FGF13: variants seen among roughly 807,000 people sequenced by gnomAD.
FGF13 encodes fibroblast growth factor 13.
Under a neutral mutation model 19.5 loss-of-function variants are expected in FGF13, and 2 were observed. The observed-to-expected ratio is 0.10, with a 90% confidence interval of 0.04 to 0.32. The LOEUF (loss-of-function observed/expected upper bound fraction) is 0.32, where lower values mean the gene tolerates loss of function less well. FGF13 is among the 10% of genes least tolerant of loss of function. FGF13 has a pLI of 1.00. For missense variants in FGF13, 113 were observed against 192.7 expected (o/e 0.59, Z 2.45); for synonymous variants, 72 against 76.9 (o/e 0.94, Z 0.33).
chrX:139,001,067 A>G (rs2092070817), intron 1 of FGF13, among the ~76,000 whole-genome samples: 1 of 111,975 alleles, frequency 8.9e-6, no homozygotes, highest in South Asian at 3.7e-4. Context: ...CAAATCTGAT[A>G]AAAACAAGCA....
At chrX:139,072,276 T>TCTACACACACACAC (rs762528325) in intron 1 of FGF13, among the ~76,000 whole-genome samples, 23 of 99,092 alleles carry the variant, frequency 2.3e-4, no homozygotes, top group African/African-American at 8.5e-4. Flanking sequence ...TCTCTCTCTC[T>TCTACACACACACAC]ACACACACAC....
At chrX:139,041,349 G>T (rs769967696) in intron 1 of FGF13, among the ~76,000 whole-genome samples, 1 of 111,043 alleles carries the variant, frequency 9.0e-6, no homozygotes, top group Non-Finnish European at 1.9e-5. Context: ...AGAATGAGCA[G>T]ATCCATTTTC....
chrX:139,049,580 C>A (rs987704199), intron 1 of FGF13, among the ~76,000 whole-genome samples: 2 of 112,299 alleles, frequency 1.8e-5, no homozygotes, highest in African/African-American at 3.2e-5. Context: ...GGGTTAGGTA[C>A]CTCTGCTTTT....
At chrX:139,073,081 C>A (rs960835098) in intron 1 of FGF13, among the ~76,000 whole-genome samples, 2 of 110,067 alleles carry the variant, frequency 1.8e-5, no homozygotes, top group Admixed American at 2.0e-4. Flanking sequence ...TCTAGTTAAT[C>A]GTCTCAACGT....
intron 1 of FGF13, among the ~76,000 whole-genome samples, chrX:139,097,670 T>C (rs776194820): frequency 8.9e-6 from 1 of 112,285 alleles, no homozygotes; most frequent in East Asian, 2.8e-4. Context: ...TAAAATATTG[T>C]AGTATTCCAT....
rs1569371410 is a variant in FGF13, at chrX:138,711,216, G to A, written c.-213C>T. The stretch of plus-strand genomic sequence containing the variant: ...CCTCCGGCGGCGGTCCGGCTCCCGC[G>A]CGGGCTGCTGGCTGCCTGGGTCGGA... On this transcript the variant is annotated 5_prime_UTR_variant, in exon 1 of 5. Coordinates refer to ENST00000315930, the MANE Select transcript of FGF13 (RefSeq NM_004114.5). 2.8e-6 allele frequency: 3 copies of A among 1,057,066 alleles called. No individual in the cohort carries two copies. Among genetic ancestry groups the A allele is most frequent in the Non-Finnish European group, 3.6e-6 (3 of 826,340 alleles). The allele number at this position is 1,057,066 out of a possible 1,213,427, so 87.1% of individuals were successfully genotyped here.
chrX:138,993,990 T>C (rs2092030424), intron 1 of FGF13, among the ~76,000 whole-genome samples: 1 of 111,554 alleles, frequency 9.0e-6, no homozygotes, highest in South Asian at 3.8e-4. Flanking sequence ...CAATTTCTGG[T>C]CATTAGAGAT....
At chrX:138,814,240 A>G (rs2090946407) in intron 3 of FGF13, among the ~76,000 whole-genome samples, 1 of 110,152 alleles carries the variant, frequency 9.1e-6, no homozygotes, top group African/African-American at 3.3e-5. Flanking sequence ...TGAACCTCAC[A>G]TGGAAAAATT....
intron 1 of FGF13, among the ~76,000 whole-genome samples, chrX:139,038,754 C>G (rs1318858698): frequency 1.8e-5 from 2 of 111,693 alleles, no homozygotes; most frequent in Non-Finnish European, 3.8e-5. Context: ...GCTTATTTCC[C>G]TCATAAAATT....
At chrX:138,702,075 G>A (rs1299171664) in intron 3 of FGF13, among the ~76,000 whole-genome samples, 1 of 111,560 alleles carries the variant, frequency 9.0e-6, no homozygotes, top group Non-Finnish European at 1.9e-5. Context: ...TCGAGACCAG[G>A]AGTTCGAGAC....
intron 1 of FGF13, among the ~76,000 whole-genome samples, chrX:139,154,657 G>A (rs1303280789): frequency 1.8e-5 from 2 of 111,738 alleles, no homozygotes; most frequent in Admixed American, 9.5e-5. Flanking sequence ...GACAAAACAC[G>A]CAATCTGCAA....
rs1417649818 is a variant in FGF13, at chrX:139,143,413, C to T, written c.-113+60003G>A. On this transcript the variant is annotated intron_variant, in intron 1 of 2. Coordinates refer to the FGF13 transcript ENST00000421460. Reference sequence around the variant, plus strand: ...TCCACACAGCAACCGCAACACAGGCCTGACTAAATGTTAAATGTTAACAAA... The same window carrying T: ...TCCACACAGCAACCGCAACACAGGCTTGACTAAATGTTAAATGTTAACAAA... Among the ~76,000 whole-genome samples, 11 of 112,137 alleles carry T rather than the reference C, an allele frequency of 9.8e-5. No homozygotes were observed. The East Asian group carries it at 3.1e-3, about 31-fold the overall frequency.
chrX:138,974,529 C>T (rs1482373168), intron 1 of FGF13, among the ~76,000 whole-genome samples: 1 of 112,155 alleles, frequency 8.9e-6, no homozygotes, highest in Non-Finnish European at 1.9e-5. Context: ...TACTATGTGA[C>T]CTGATTGTTA....
chrX:138,841,185 T>G (rs988414516), intron 3 of FGF13, among the ~76,000 whole-genome samples: 2 of 111,378 alleles, frequency 1.8e-5, no homozygotes, highest in African/African-American at 3.3e-5. Flanking sequence ...AAAATGTTAC[T>G]TTTCCTTCTC....
chrX:138,985,792 A>C (rs2091992535), intron 1 of FGF13, among the ~76,000 whole-genome samples: 1 of 112,543 alleles, frequency 8.9e-6, no homozygotes, highest in African/African-American at 3.2e-5. Flanking sequence ...TTTTCTCAGC[A>C]GAATGCCTAG....
intron 1 of FGF13, among the ~76,000 whole-genome samples, chrX:138,981,318 T>TACACACACAC (rs57954256): frequency 2.3e-3 from 224 of 97,012 alleles, no homozygotes; most frequent in African/African-American, 8.2e-3. Context: ...ATTGTGTGCT[T>TACACACACAC]ACACACACAC....
chrX:138,738,970 T>C, intron 1 of FGF13, among the ~76,000 whole-genome samples: 1 of 110,749 alleles, frequency 9.0e-6, no homozygotes. Context: ...GAGTTTTAAA[T>C]GGTCAGAAAT....
At chrX:138,734,378 T>C (rs1477401433) in intron 1 of FGF13, among the ~76,000 whole-genome samples, 1 of 111,532 alleles carries the variant, frequency 9.0e-6, no homozygotes, top group East Asian at 2.8e-4. Context: ...ATGACATGTG[T>C]AGTTACTCTC....
At chrX:139,052,996 C>T (rs953856151) in intron 1 of FGF13, among the ~76,000 whole-genome samples, 3 of 109,015 alleles carry the variant, frequency 2.8e-5, no homozygotes, top group African/African-American at 1.0e-4. Context: ...TCTTTTATCC[C>T]TTGCCCCCCT....
Sources: allele counts gnomAD v4.1 joint callset (sites outside exome capture counted in the v4.1 genomes callset), GRCh38; gene constraint gnomAD v4.1.1; transcripts MANE v1.5; gene names NCBI Gene and HGNC (gene_info 2026-07-23, HGNC 2026-07-21).